The following PDE4D variants were observed in gnomAD, a reference collection of about 807,000 sequenced individuals.
PDE4D encodes phosphodiesterase 4D, also known as 3',5'-cyclic-AMP phosphodiesterase 4D.
PDE4D carries 24 observed loss-of-function variants against 87.4 expected under a neutral mutation model. The ratio of observed to expected loss-of-function variants is 0.27; its 90% CI spans 0.20 to 0.39. PDE4D has a LOEUF of 0.39. Ranked by LOEUF, PDE4D falls within the 10% of genes least tolerant of loss-of-function variation. PDE4D has a pLI of 1.00. For missense variants in PDE4D, 714 were observed against 1,041.0 expected, an observed-to-expected ratio of 0.69 and a Z score of 4.32; for synonymous variants, 384 against 383.2, an observed-to-expected ratio of 1.00 and a Z score of -0.02.
intron 5 of PDE4D, among the ~76,000 whole-genome samples, chr5:59,046,085 T>C (rs1561381565): frequency 6.6e-6 from 1 of 152,170 alleles, no homozygotes; most frequent in Admixed American, 6.5e-5. Context: ...TGTAATAAGA[T>C]GGAGAAAAAA....
At chr5:59,815,583 T>C (rs946801901) in intron 1 of PDE4D, among the ~76,000 whole-genome samples, 1 of 152,176 alleles carries the variant, frequency 6.6e-6, no homozygotes, top group Admixed American at 6.5e-5. Flanking sequence ...TTAATACATA[T>C]AAAAGAGTTA....
chr5:60,468,566 T>C lies in PDE4D; in HGVS notation c.-90+19376A>G, dbSNP rs374672038. Among the ~76,000 whole-genome samples, 11 of 152,252 alleles carry C rather than the reference T, an allele frequency of 7.2e-5. No individual in the cohort carries two copies. The South Asian group carries it at 2.3e-3, about 32-fold the overall frequency. On this transcript the variant is annotated intron_variant, in intron 1 of 16. Transcript: ENST00000502484. ...GTGAATTATCTCAATTTTTCCTTCC[T>C]TCATATGAAATGTCATAGGTCATCA...
intron 3 of PDE4D, among the ~76,000 whole-genome samples, chr5:59,900,127 C>G (rs1336369013): frequency 2.0e-5 from 3 of 151,864 alleles, no homozygotes; most frequent in Non-Finnish European, 4.4e-5. Context: ...GTAACCCCAG[C>G]CTCTCTGGAG....
intron 1 of PDE4D, among the ~76,000 whole-genome samples, chr5:59,422,576 A>T (rs1419862369): frequency 1.3e-5 from 2 of 152,214 alleles, no homozygotes; most frequent in Non-Finnish European, 2.9e-5. Flanking sequence ...ATTTTCTTCA[A>T]CTTAAGAGCA....
intron 1 of PDE4D, among the ~76,000 whole-genome samples, chr5:60,246,117 CT>C (rs1172402165): frequency 1.3e-5 from 2 of 151,286 alleles, no homozygotes; most frequent in African/African-American, 4.9e-5. Context: ...TAATTTGTAC[CT>C]TTTTTCATTT....
At chr5:59,889,228 TAA>T (rs58549979) in intron 1 of PDE4D, among the ~76,000 whole-genome samples, 16 of 71,134 alleles carry the variant, frequency 2.2e-4, no homozygotes, top group Admixed American at 3.5e-4. Flanking sequence ...AGACTCTGTC[TAA>T]AAAAAAAAAA....
At chr5:59,315,047 A>G (rs994530898) in intron 1 of PDE4D, among the ~76,000 whole-genome samples, 1 of 152,076 alleles carries the variant, frequency 6.6e-6, no homozygotes, top group South Asian at 2.1e-4. Context: ...CTTGGAATCC[A>G]ATCTGTGAGA....
chr5:59,889,325 C>G (rs1291904996), intron 1 of PDE4D, among the ~76,000 whole-genome samples: 1 of 150,216 alleles, frequency 6.7e-6, no homozygotes, highest in African/African-American at 2.5e-5. Flanking sequence ...TTTCCTTCTA[C>G]CTAAATTGAG....
Position 59,893,602 on chromosome 5 carries a change from G to A in PDE4D, c.21C>T (p.Ser7=), listed in dbSNP as rs1266070017. Residue 7 remains serine (S), a synonymous_variant, in exon 1 of 15, where the codon AGC becomes AGT. Coordinates refer to ENST00000340635, the MANE Select transcript of PDE4D (RefSeq NM_001104631.2). ...CTCCGCTGCCCGCCCGGGCCGGCGC[G>A]CTGCTGCCCTCTGCCTCCATCCTGG... MEAEGS[S]APARAGSGEG... 6.6e-7 allele frequency: 1 copy of A among 1,516,024 alleles called. No individual in the cohort carries two copies. Among genetic ancestry groups the A allele is most frequent in the Non-Finnish European group, 8.8e-7 (1 of 1,133,590 alleles). The allele number at this position is 1,516,024 out of a possible 1,614,324, so 93.9% of individuals were successfully genotyped here.
intron 1 of PDE4D, among the ~76,000 whole-genome samples, chr5:59,655,119 GT>G (rs996705025): frequency 1.5e-4 from 22 of 150,326 alleles, no homozygotes; most frequent in Admixed American, 1.1e-3. Flanking sequence ...AATATTCTAT[GT>G]TTTTTTTCAA....
At chr5:60,423,945 G>A (rs897599779) in intron 1 of PDE4D, among the ~76,000 whole-genome samples, 1 of 152,100 alleles carries the variant, frequency 6.6e-6, no homozygotes, top group African/African-American at 2.4e-5. Flanking sequence ...AGAAGAAATG[G>A]ATAAATTCCT....
At chr5:59,416,196 C>A (rs993703271) in intron 1 of PDE4D, among the ~76,000 whole-genome samples, 4 of 152,126 alleles carry the variant, frequency 2.6e-5, no homozygotes, top group African/African-American at 9.7e-5. Flanking sequence ...TTTTATGTCT[C>A]AAAGGAGAAT....
intron 1 of PDE4D, among the ~76,000 whole-genome samples, chr5:59,761,460 A>G (rs1117923): frequency 0.32 from 48,396 of 152,072 alleles, 9,339 homozygotes; most frequent in East Asian, 0.49. Flanking sequence ...GCTCTTTTGT[A>G]ATAACACTTA....
At chr5:60,390,866 T>G (rs551096467) in intron 1 of PDE4D, among the ~76,000 whole-genome samples, 16 of 152,178 alleles carry the variant, frequency 1.1e-4, no homozygotes, top group Non-Finnish European at 2.1e-4. Flanking sequence ...CACTGGCTGT[T>G]TCTTCCTTCC....
At chr5:60,219,183 C>A (rs1744207379) in intron 1 of PDE4D, among the ~76,000 whole-genome samples, 1 of 152,146 alleles carries the variant, frequency 6.6e-6, no homozygotes, top group Admixed American at 6.5e-5. Flanking sequence ...TTGACCTTAT[C>A]AACCTAATTA....
At chr5:60,255,319 G>C (rs942094870) in intron 1 of PDE4D, among the ~76,000 whole-genome samples, 4 of 151,810 alleles carry the variant, frequency 2.6e-5, no homozygotes, top group Admixed American at 6.6e-5. Flanking sequence ...CAGAGTTCAG[G>C]GTTTAACCAG....
chr5:60,132,894 T>C (rs542695197), intron 2 of PDE4D, among the ~76,000 whole-genome samples: 1 of 152,226 alleles, frequency 6.6e-6, no homozygotes, highest in East Asian at 1.9e-4. Context: ...TTTGTGTTCA[T>C]TGTGAATAAA....
At chr5:59,028,448 AAATG>A (rs1248803644) in intron 6 of PDE4D, among the ~76,000 whole-genome samples, 3 of 150,562 alleles carry the variant, frequency 2.0e-5, no homozygotes, top group African/African-American at 7.4e-5. Context: ...TCACATATGG[AAATG>A]AATGAGTTCT....
intron 1 of PDE4D, among the ~76,000 whole-genome samples, chr5:59,436,739 T>G (rs1332402951): frequency 6.6e-6 from 1 of 152,204 alleles, no homozygotes; most frequent in Non-Finnish European, 1.5e-5. Flanking sequence ...TAAAAATGCT[T>G]TATTCTCCAG....
Sources: allele counts gnomAD v4.1 joint callset (sites outside exome capture counted in the v4.1 genomes callset), GRCh38; gene constraint gnomAD v4.1.1; transcripts MANE v1.5; gene names NCBI Gene and HGNC (gene_info 2026-07-23, HGNC 2026-07-21).